NYAP2: variants seen among roughly 807,000 people sequenced by gnomAD.
The protein encoded by NYAP2 is neuronal tyrosine-phosphorylated phosphoinositide-3-kinase adaptor 2.
In NYAP2, 23 loss-of-function variants were observed where a neutral mutation model predicts 50.4. That is an observed-to-expected ratio of 0.46 (90% CI 0.33 to 0.65). The LOEUF (loss-of-function observed/expected upper bound fraction) is 0.65, where lower values mean the gene tolerates loss of function less well. Ranked by LOEUF, NYAP2 falls within the 30% of genes least tolerant of loss-of-function variation. NYAP2 has a pLI of 0.02. For synonymous variants in NYAP2, 394 were observed against 365.2 expected (o/e 1.08, Z -0.90); for missense variants, 885 against 861.0 (o/e 1.03, Z -0.35).
the NYAP2 span, chr2:225,698,754 T>C: frequency 6.6e-6 from 1 of 151,946 alleles, no homozygotes; most frequent in Non-Finnish European, 1.5e-5. Flanking sequence ...ATCCAGAAGA[T>C]ATTAAAATGT....
chr2:225,488,786 T>C (rs1690349561), intron 3 of NYAP2, among the ~76,000 whole-genome samples: 1 of 152,194 alleles, frequency 6.6e-6, no homozygotes, highest in Admixed American at 6.5e-5. Context: ...AGACACTCTT[T>C]TGGGACAGAC....
At chr2:225,589,213 G>T (rs1166937096) in intron 5 of NYAP2, among the ~76,000 whole-genome samples, 1 of 152,040 alleles carries the variant, frequency 6.6e-6, no homozygotes, top group African/African-American at 2.4e-5. Context: ...ACTTCCAAAG[G>T]CCACTTTATC....
intron 4 of NYAP2, among the ~76,000 whole-genome samples, chr2:225,574,859 T>A (rs1182534778): frequency 6.6e-6 from 1 of 152,196 alleles, no homozygotes; most frequent in Non-Finnish European, 1.5e-5. Context: ...TTCATTTGAT[T>A]TTTACAAGTC....
chr2:225,417,985 C>A (rs1419320728), intron 3 of NYAP2, among the ~76,000 whole-genome samples: 1 of 150,482 alleles, frequency 6.6e-6, no homozygotes, highest in Non-Finnish European at 1.5e-5. Flanking sequence ...AGAGTAAGTG[C>A]AAATGTAACA....
At chr2:225,536,708 CTATTAT>C (rs773975651) in intron 4 of NYAP2, among the ~76,000 whole-genome samples, 17 of 151,712 alleles carry the variant, frequency 1.1e-4, no homozygotes, top group Non-Finnish European at 1.8e-4. Context: ...TTTAAATGTA[CTATTAT>C]TATTGACTAT....
intron 3 of NYAP2, among the ~76,000 whole-genome samples, chr2:225,483,469 C>T (rs1260671846): frequency 2.0e-5 from 3 of 152,164 alleles, no homozygotes; most frequent in Admixed American, 2.0e-4. Context: ...CTCAGTTCTA[C>T]AGCTGTTTGT....
chr2:225,576,176 A>T (rs542936989), intron 4 of NYAP2, among the ~76,000 whole-genome samples: 46 of 152,208 alleles, frequency 3.0e-4, no homozygotes, highest in Non-Finnish European at 5.3e-4. Flanking sequence ...TTAAGCCAAG[A>T]CCCTTTCAGT....
chr2:225,679,721 C>T, the NYAP2 span, among the ~76,000 whole-genome samples: 1 of 152,132 alleles, frequency 6.6e-6, no homozygotes, highest in South Asian at 2.1e-4. Flanking sequence ...TCTTGATCTC[C>T]TGACCTTGTG....
intron 3 of NYAP2, among the ~76,000 whole-genome samples, chr2:225,431,288 A>G (rs957242098): frequency 1.3e-5 from 2 of 152,228 alleles, no homozygotes; most frequent in African/African-American, 4.8e-5. Context: ...TTGTAGAGAA[A>G]TCATACCTCA....
intron 5 of NYAP2, among the ~76,000 whole-genome samples, chr2:225,613,899 G>A (rs1251299304): frequency 6.6e-6 from 1 of 152,108 alleles, no homozygotes; most frequent in African/African-American, 2.4e-5. Context: ...ACAATAAAAA[G>A]AACGTAGACA....
At chr2:225,515,879 AT>A (rs1462724799) in intron 4 of NYAP2, among the ~76,000 whole-genome samples, 1 of 152,184 alleles carries the variant, frequency 6.6e-6, no homozygotes, top group Non-Finnish European at 1.5e-5. Flanking sequence ...GTCAGGAATA[AT>A]TCAAGAATAA....
At chr2:225,413,721 G>A (rs1695083033) in intron 3 of NYAP2, among the ~76,000 whole-genome samples, 1 of 152,160 alleles carries the variant, frequency 6.6e-6, no homozygotes, top group South Asian at 2.1e-4. Context: ...TTTTTAGCAT[G>A]CAATTTACAT....
chr2:225,542,682 T>C (rs1250301923), intron 4 of NYAP2, among the ~76,000 whole-genome samples: 1 of 150,774 alleles, frequency 6.6e-6, no homozygotes, highest in Non-Finnish European at 1.5e-5. Flanking sequence ...TAGTATTTTG[T>C]TGAGGATTTT....
exon 4 of NYAP2, chr2:225,513,561 C>G (rs1205760507): frequency 1.2e-6 from 2 of 1,608,302 alleles, no homozygotes; most frequent in Admixed American, 3.4e-5. Flanking sequence ...CTCACGGAGA[C>G]AACCACCACC....
At chr2:225,684,554 T>A in the NYAP2 span, among the ~76,000 whole-genome samples, 1 of 151,774 alleles carries the variant, frequency 6.6e-6, no homozygotes. Context: ...TTAAATATAG[T>A]TTTTTTGTTT....
At chr2:225,697,773 G>T in the NYAP2 span, among the ~76,000 whole-genome samples, 2 of 151,830 alleles carry the variant, frequency 1.3e-5, no homozygotes, top group Non-Finnish European at 2.9e-5. Context: ...AAATATTCAT[G>T]CCCAAATTGT....
At chr2:225,413,032 T>A (rs1322205718) in intron 3 of NYAP2, among the ~76,000 whole-genome samples, 1 of 152,170 alleles carries the variant, frequency 6.6e-6, no homozygotes, top group Non-Finnish European at 1.5e-5. Flanking sequence ...AGTCAGCACA[T>A]GCACTAGGAT....
chr2:225,418,623 T>C (rs964115575), intron 3 of NYAP2, among the ~76,000 whole-genome samples: 2 of 152,152 alleles, frequency 1.3e-5, no homozygotes, highest in East Asian at 1.9e-4. Context: ...AGAAGAATCA[T>C]GTTTGGTGAG....
the NYAP2 span, among the ~76,000 whole-genome samples, chr2:225,694,033 C>T: frequency 4.8e-4 from 73 of 151,984 alleles, no homozygotes; most frequent in Admixed American, 2.0e-4. Context: ...AAATCTTGTC[C>T]TAGAGGTGTG....
Sources: allele counts gnomAD v4.1 joint callset (sites outside exome capture counted in the v4.1 genomes callset), GRCh38; gene constraint gnomAD v4.1.1; transcripts MANE v1.5; gene names NCBI Gene and HGNC (gene_info 2026-07-23, HGNC 2026-07-21).